Variants in SLC7A14 observed in about 807,000 individuals in gnomAD.
The protein encoded by SLC7A14 is gamma-aminobutyric acid transporter SLC7A14.
Under a neutral mutation model 60.2 loss-of-function variants are expected in SLC7A14, and 37 were observed. The observed-to-expected ratio is 0.61, with a 90% CI of 0.47 to 0.81. SLC7A14 has a LOEUF of 0.81. SLC7A14 is among the 30% of genes least tolerant of loss of function. The probability of loss-of-function intolerance (pLI) is 0.00; values close to 1 mark genes in which losing one functional copy is unlikely to be tolerated. For missense variants in SLC7A14, 886 were observed against 982.7 expected (o/e 0.90, Z 1.32); for synonymous variants, 399 against 395.8 (o/e 1.01, Z -0.10).
chr3:170,525,986 A>G (rs1477293929), intron 2 of SLC7A14, among the ~76,000 whole-genome samples: 1 of 151,994 alleles, frequency 6.6e-6, no homozygotes, highest in Non-Finnish European at 1.5e-5. Flanking sequence ...CTAAAGCAGA[A>G]GAAGCGCTTG....
chr3:170,480,351 A>G lies in SLC7A14; in HGVS notation c.1931T>C (p.Ile644Thr). ...GGTGGAGAGCTTTAGCATGAGATAG[A>G]TGTTCACCAGCATGGCAAAGGCAGG... is the stretch of plus-strand genomic sequence containing the variant. ...FVPAFAMLVN[I>T]YLMLKLSTIT... The change falls in exon 7 of 8, where the codon ATC becomes ACC. Residue 644 changes from isoleucine (I) to threonine (T), a missense_variant. By Grantham distance (89) the Ile-to-Thr change is moderately conservative. Coordinates refer to ENST00000231706, the MANE Select transcript of SLC7A14 (RefSeq NM_020949.3). 3.1e-6 allele frequency: 5 copies of G among 1,594,870 alleles called. No individual in the cohort carries two copies. Among genetic ancestry groups the G allele is most frequent in the Non-Finnish European group, 4.3e-6 (5 of 1,170,026 alleles).
At chr3:170,543,353 A>C (rs1169819773) in intron 1 of SLC7A14, among the ~76,000 whole-genome samples, 1 of 152,136 alleles carries the variant, frequency 6.6e-6, no homozygotes, top group African/African-American at 2.4e-5. Context: ...CTCTGTCTTT[A>C]AGAAGCACAG....
chr3:170,478,763 C>T (rs1334115889), intron 7 of SLC7A14, among the ~76,000 whole-genome samples: 1 of 152,084 alleles, frequency 6.6e-6, no homozygotes, highest in Non-Finnish European at 1.5e-5. Context: ...GCTCCAGACA[C>T]GGAGGACACA....
At chr3:170,544,798 A>T (rs1156587250) in intron 1 of SLC7A14, among the ~76,000 whole-genome samples, 1 of 152,220 alleles carries the variant, frequency 6.6e-6, no homozygotes, top group Admixed American at 6.5e-5. Flanking sequence ...CAAGGTAAAG[A>T]TGAGGAAACT....
At chr3:170,543,371 C>T (rs561276183) in intron 1 of SLC7A14, among the ~76,000 whole-genome samples, 1 of 152,186 alleles carries the variant, frequency 6.6e-6, no homozygotes, top group East Asian at 1.9e-4. Flanking sequence ...CAGTCTCCAC[C>T]GGGTGCAGTG....
rs147882630 is a variant in SLC7A14 at position 170,479,838 on chromosome 3, T to C, written c.1993+451A>G. Among the ~76,000 whole-genome samples, 249 of 152,370 alleles carry C rather than the reference T, an allele frequency of 1.6e-3. 7 individuals carry two copies. In the East Asian group the frequency reaches 0.044, roughly 27 times the overall value. ...CCACACTTAATTCACACCTTGTTCATTTAAAAATGAGAGCATAATTGCTAT... is the reference window on the plus strand; with the variant it reads ...CCACACTTAATTCACACCTTGTTCACTTAAAAATGAGAGCATAATTGCTAT... On this transcript the variant is annotated intron_variant, in intron 7 of 7. Transcript: ENST00000231706.
At chr3:170,566,777 A>G (rs1398789376) in intron 1 of SLC7A14, among the ~76,000 whole-genome samples, 2 of 152,128 alleles carry the variant, frequency 1.3e-5, no homozygotes, top group Admixed American at 6.5e-5. Context: ...TGAGCACCCA[A>G]AAAATTCTGG....
At position 170,485,532 on chromosome 3, in the gene SLC7A14, A is replaced by T. The variant is rs918301012; in HGVS notation, c.906+690T>A. ...AGGGGCAGAGGGGGATGTTGGATGC[A>T]GCTGGGCTATTTCTGTGATAGAAAT... is the stretch of plus-strand genomic sequence containing the variant. On this transcript the variant is annotated intron_variant, in intron 5 of 7. Transcript: ENST00000231706. Among the ~76,000 whole-genome samples the T allele has an allele frequency of 6.5e-4, 99 of 152,260 alleles. 1 individual carries two copies. Among genetic ancestry groups the T allele is most frequent in the African/African-American group, 2.1e-3 (87 of 41,538 alleles).
intron 2 of SLC7A14, among the ~76,000 whole-genome samples, chr3:170,508,071 C>T (rs1712839618): frequency 6.6e-6 from 1 of 152,228 alleles, no homozygotes. Flanking sequence ...CCAGCCTTAG[C>T]AGCTTTCTAA....
At chr3:170,551,027 C>G (rs1714332715) in intron 1 of SLC7A14, among the ~76,000 whole-genome samples, 1 of 152,092 alleles carries the variant, frequency 6.6e-6, no homozygotes, top group Non-Finnish European at 1.5e-5. Context: ...TCAAAAATCC[C>G]ATACCCATGA....
chr3:170,486,211 C>T lies in SLC7A14; in HGVS notation c.906+11G>A. The stretch of plus-strand genomic sequence containing the variant: ...ATCGTGAGGAGGGTCCCGCAAGCAT[C>T]TGGTACTTACAGACACATATGCTGT... On this transcript the variant is annotated intron_variant, in intron 5 of 7. Coordinates refer to ENST00000231706, the MANE Select transcript of SLC7A14 (RefSeq NM_020949.3). 1 of 1,613,956 alleles carries T rather than the reference C, an allele frequency of 6.2e-7. No homozygotes were observed. The highest frequency in any genetic ancestry group is 8.5e-7 in the Non-Finnish European group (1 of 1,179,952).
chr3:170,516,686 G>T (rs1015317749), intron 2 of SLC7A14, among the ~76,000 whole-genome samples: 4 of 152,080 alleles, frequency 2.6e-5, no homozygotes, highest in Non-Finnish European at 4.4e-5. Flanking sequence ...AGGATCACTC[G>T]GGCCCAGGAG....
In SLC7A14 at chr3:170,585,011, T is replaced by C. The variant is rs1027705968; in HGVS notation, c.-153+900A>G. On this transcript the variant is annotated intron_variant, in intron 1 of 7. Coordinates refer to ENST00000231706, the MANE Select transcript of SLC7A14 (RefSeq NM_020949.3). The surrounding 1 kb of genome is among the most constrained non-coding windows in gnomAD (Gnocchi z 5.1). ...TTCCTGCATCTCTTCTCGCCTTTGC[T>C]TTGCTCACTCTTCAATCGCAATATA... Among the ~76,000 whole-genome samples the C allele has an allele frequency of 1.3e-5, 2 of 152,094 alleles. No homozygotes were observed. The highest frequency in any genetic ancestry group is 2.9e-5 in the Non-Finnish European group (2 of 68,006).
At chr3:170,510,253 G>A (rs1253104031) in intron 2 of SLC7A14, among the ~76,000 whole-genome samples, 3 of 151,706 alleles carry the variant, frequency 2.0e-5, no homozygotes, top group Admixed American at 6.6e-5. Flanking sequence ...AGCTGGGCGT[G>A]TTGGAGGGCA....
At position 170,480,432 on chromosome 3, in the gene SLC7A14, T is replaced by G. The variant is rs1711771363; in HGVS notation, c.1850A>C (p.Gln617Pro). The change falls in exon 7 of 8, where the codon CAG becomes CCG. Residue 617 changes from glutamine (Q) to proline (P), a missense_variant. Transcript: ENST00000231706. ...LISTLVFVIL[Q>P]QPENPKKLPY... is the part of the protein sequence containing the mutation. ...CAGCTTCTTGGGGTTCTCTGGCTGC[T>G]GCAGGATCACAAACACCAGGGTGCT... 6.2e-7 allele frequency: 1 copy of G among 1,613,728 alleles called. No homozygotes were observed. The highest frequency in any genetic ancestry group is 1.7e-4 in the Middle Eastern group (1 of 6,060).
rs1294585321 is a variant in SLC7A14, at chr3:170,461,459, C to T, written c.*5596G>A. On this transcript the variant is annotated 3_prime_UTR_variant, in exon 8 of 8. Transcript: ENST00000231706. ...AAAGCATTTTAAAAAGGAAGTTGCT[C>T]TTAAGGAGAAAAAAAAATTAAAACA... is the stretch of plus-strand genomic sequence containing the variant. 1.4e-5 allele frequency: 2 copies of T among 139,896 alleles called. No individual in the cohort carries two copies. Among genetic ancestry groups the T allele is most frequent in the African/African-American group, 6.5e-5 (2 of 30,940 alleles). The allele number at this position is 139,896 out of a possible 1,614,324, so 8.7% of individuals were successfully genotyped here. A position where few individuals can be genotyped will look rare whatever the true frequency, so the allele number is the denominator to read the frequency against.
At chr3:170,507,908 C>T (rs1712833414) in intron 2 of SLC7A14, among the ~76,000 whole-genome samples, 1 of 152,166 alleles carries the variant, frequency 6.6e-6, no homozygotes, top group South Asian at 2.1e-4. Context: ...CTGTGGACCC[C>T]CAGGGCTGTA....
intron 1 of SLC7A14, chr3:170,570,086 T>G (rs1447882856): frequency 6.6e-6 from 1 of 152,196 alleles, no homozygotes; most frequent in African/African-American, 2.4e-5. Flanking sequence ...TCCTCTTGAT[T>G]TTTTGGTTTG....
chr3:170,509,482 AC>A (rs766388564), intron 2 of SLC7A14, among the ~76,000 whole-genome samples: 70 of 152,230 alleles, frequency 4.6e-4, no homozygotes, highest in Non-Finnish European at 9.4e-4. Flanking sequence ...ACCCCCCAAA[AC>A]AGGTCAAGGA....
Sources: gnomAD v4.1 joint callset for allele counts (sites outside exome capture counted in the v4.1 genomes callset) on GRCh38, gnomAD v4.1.1 for gene constraint, Gnocchi (gnomAD v3.1) non-coding constraint, MANE v1.5 for transcripts, NCBI Gene and HGNC (gene_info 2026-07-23, HGNC 2026-07-21) for gene names.